The following KSR1 variants were observed in gnomAD, a reference collection of about 807,000 sequenced individuals.
The protein encoded by KSR1 is kinase suppressor of ras 1.
Under a neutral mutation model 92.9 loss-of-function variants are expected in KSR1, and 35 were observed. That is an observed-to-expected ratio of 0.38 (90% confidence interval 0.29 to 0.50). The LOEUF is 0.50. Among genes scored for constraint, KSR1 ranks in the 20% least tolerant of loss-of-function variants. KSR1 has a pLI of 0.94. For synonymous variants in KSR1, 467 were observed against 472.6 expected, an observed-to-expected ratio of 0.99 and a Z score of 0.15; for missense variants, 972 against 1,158.5, an observed-to-expected ratio of 0.84 and a Z score of 2.34.
intron 1 of KSR1, among the ~76,000 whole-genome samples, chr17:27,506,643 G>A (rs919699940): frequency 3.3e-5 from 5 of 152,074 alleles, no homozygotes; most frequent in South Asian, 2.1e-4. Context: ...TGTTCTTGGG[G>A]ATTTGTCCAG....
At chr17:27,570,018 T>A in intron 2 of KSR1, among the ~76,000 whole-genome samples, 1 of 151,832 alleles carries the variant, frequency 6.6e-6, no homozygotes, top group Non-Finnish European at 1.5e-5. Context: ...CCAGGCAGAG[T>A]TGAAAAGTGC....
Position 27,456,680 on chromosome 17 carries a change from GAGA to G in KSR1, c.43_45del (p.Lys15del), listed in dbSNP as rs1453645915. 11 of 699,178 alleles carry G rather than the reference GAGA, an allele frequency of 1.6e-5. No individual in the cohort carries two copies. Among genetic ancestry groups the G allele is most frequent in the Admixed American group, 2.5e-5 (1 of 40,216 alleles). The allele number at this position is 699,178 out of a possible 1,614,324, so 43.3% of individuals were successfully genotyped here. On this transcript the variant is annotated inframe_deletion, in exon 1 of 21. Coordinates refer to ENST00000644974, the MANE Select transcript of KSR1 (RefSeq NM_001394583.1). ...AGCGCTGCGCGCGGCGGCGATGGGA[GAGA>G]AGAAGGAGGGCGGTGGCGGGGGGGA...
intron 1 of KSR1, among the ~76,000 whole-genome samples, chr17:27,473,611 G>A (rs954905548): frequency 6.6e-6 from 1 of 152,122 alleles, no homozygotes; most frequent in African/African-American, 2.4e-5. Flanking sequence ...GCTTGGAAGG[G>A]TTCTAGCTAC....
chr17:27,605,310 C>A, intron 13 of KSR1, 124 bp from the exon 14 acceptor site: 1 of 1,304,956 alleles, frequency 7.7e-7, no homozygotes, highest in South Asian at 1.4e-5. Flanking sequence ...GCTGCAACTA[C>A]AACCTGGGTC....
chr17:27,584,161 G>A lies in KSR1; in HGVS notation c.980+1056G>A, dbSNP rs540218002. On this transcript the variant is annotated intron_variant, in intron 4 of 20. Transcript: ENST00000644974. ...CCTTCTTGTACCCCTGAGGATTGGGGCACCTGGTTTCTCTCCTCGGCATGG... is the reference window on the plus strand; with the variant it reads ...CCTTCTTGTACCCCTGAGGATTGGGACACCTGGTTTCTCTCCTCGGCATGG... Among the ~76,000 whole-genome samples, 32 of 152,258 alleles carry A rather than the reference G, an allele frequency of 2.1e-4. No homozygotes were observed. In the South Asian group the frequency reaches 3.1e-3, roughly 15 times the overall value.
intron 4 of KSR1, among the ~76,000 whole-genome samples, chr17:27,583,623 G>T (rs187749162): frequency 2.4e-4 from 37 of 152,306 alleles, no homozygotes; most frequent in Admixed American, 2.3e-3. Flanking sequence ...TTGCCCACAC[G>T]CCCAGGAGGG....
chr17:27,500,361 C>T (rs2069133839), intron 1 of KSR1, among the ~76,000 whole-genome samples: 1 of 152,158 alleles, frequency 6.6e-6, no homozygotes, highest in African/African-American at 2.4e-5. Flanking sequence ...TAAGGGGTAG[C>T]TGTGCAAGTA....
At chr17:27,546,586 C>T (rs568194813) in intron 1 of KSR1, among the ~76,000 whole-genome samples, 3 of 152,270 alleles carry the variant, frequency 2.0e-5, no homozygotes, top group Middle Eastern at 3.4e-3. Flanking sequence ...CGGACTCTGA[C>T]TTGGCCTGGG....
At chr17:27,621,971 C>T (rs949315547) in intron 20 of KSR1, 3 of 1,609,488 alleles carry the variant, frequency 1.9e-6, no homozygotes, top group African/African-American at 2.7e-5. Context: ...GGCTTTCTTC[C>T]TCCTAATCAA....
In KSR1 at chr17:27,592,640, T is replaced by C; in HGVS notation, c.1299+14T>C. ...CTGACAAAGAAGGTACGCTGGGTAA[T>C]GCTGGGGAGGACGCCCTTCTGCCAC... On this transcript the variant is annotated intron_variant, in intron 9 of 20. Transcript: ENST00000644974. 6.2e-7 allele frequency: 1 copy of C among 1,608,032 alleles called. No homozygotes were observed. The highest frequency in any genetic ancestry group is 8.5e-7 in the Non-Finnish European group (1 of 1,176,542).
intron 19 of KSR1, among the ~76,000 whole-genome samples, chr17:27,619,698 C>T (rs1454010474): frequency 1.3e-5 from 2 of 150,268 alleles, no homozygotes; most frequent in African/African-American, 4.9e-5. Context: ...CACCCAGCCT[C>T]CAGGCCTTGT....
intron 1 of KSR1, among the ~76,000 whole-genome samples, chr17:27,481,778 T>C (rs1026326279): frequency 6.6e-6 from 1 of 152,174 alleles, no homozygotes; most frequent in African/African-American, 2.4e-5. Flanking sequence ...TAGTGAACAT[T>C]GTACTCCAAT....
chr17:27,499,606 G>A (rs2069106580), intron 1 of KSR1, among the ~76,000 whole-genome samples: 1 of 152,210 alleles, frequency 6.6e-6, no homozygotes, highest in South Asian at 2.1e-4. Flanking sequence ...AGAACAAGGT[G>A]TGCCAGGCTA....
intron 1 of KSR1, among the ~76,000 whole-genome samples, chr17:27,471,367 T>C (rs1239070084): frequency 2.0e-5 from 3 of 151,754 alleles, no homozygotes; most frequent in Non-Finnish European, 4.4e-5. Flanking sequence ...ATGGAAGAGG[T>C]GACTTCTTTA....
chr17:27,541,061 TG>T (rs1298320797), intron 1 of KSR1, among the ~76,000 whole-genome samples: 1 of 152,198 alleles, frequency 6.6e-6, no homozygotes. Flanking sequence ...GAATGAAGGC[TG>T]GAGTAAGTTG....
chr17:27,493,979 C>T (rs2068902212), intron 1 of KSR1, among the ~76,000 whole-genome samples: 1 of 152,144 alleles, frequency 6.6e-6, no homozygotes, highest in African/African-American at 2.4e-5. Context: ...CCACTTCTTC[C>T]TCTCTCTGGC....
At chr17:27,511,195 G>T (rs756246953) in intron 1 of KSR1, among the ~76,000 whole-genome samples, 7 of 152,310 alleles carry the variant, frequency 4.6e-5, no homozygotes, top group Non-Finnish European at 1.0e-4. Context: ...AGAATGTTTG[G>T]CTGTGAAGAG....
At chr17:27,604,038 C>A in intron 12 of KSR1, 150 bp downstream of exon 12, 1 of 783,626 alleles carries the variant, frequency 1.3e-6, no homozygotes, top group Non-Finnish European at 2.1e-6. Context: ...GGCAAGTGAA[C>A]TCCACAGAGG....
In KSR1 at chr17:27,566,601, G is replaced by A. The variant is rs117604583; in HGVS notation, c.373-10891G>A. The A allele has an allele frequency of 6.9e-4, 277 of 399,084 alleles. No individual in the cohort carries two copies. The East Asian group carries it at 9.3e-3, about 13-fold the overall frequency. 24.7% of individuals were successfully genotyped at this position (399,084 alleles called of 1,614,324 possible). A position where few individuals can be genotyped will look rare whatever the true frequency, so the allele number is the denominator to read the frequency against. On this transcript the variant is annotated intron_variant, in intron 2 of 20. Coordinates refer to ENST00000644974, the MANE Select transcript of KSR1 (RefSeq NM_001394583.1). ...AGGCACGGGGGTCTGGGCGCAGGAGGCCATTCCACAGCTCCCTGGAGTTGA... is the reference window on the plus strand; with the variant it reads ...AGGCACGGGGGTCTGGGCGCAGGAGACCATTCCACAGCTCCCTGGAGTTGA...
Sources: allele counts gnomAD v4.1 joint callset (sites outside exome capture counted in the v4.1 genomes callset), GRCh38; gene constraint gnomAD v4.1.1; transcripts MANE v1.5; gene names NCBI Gene and HGNC (gene_info 2026-07-23, HGNC 2026-07-21).